SPIDR: variants seen among roughly 807,000 people sequenced by gnomAD.
SPIDR encodes the protein scaffold protein involved in DNA repair.
In SPIDR, 93 loss-of-function variants were observed where a neutral mutation model predicts 104.6. The ratio of observed to expected loss-of-function variants is 0.89; its 90% confidence interval spans 0.75 to 1.06. The LOEUF (loss-of-function observed/expected upper bound fraction) is 1.06. SPIDR is among the 50% of genes least tolerant of loss of function. The pLI is 0.00. For synonymous variants in SPIDR, 431 were observed against 416.9 expected (o/e 1.03, Z -0.41); for missense variants, 1,154 against 1,111.2 (o/e 1.04, Z -0.55).
At chr8:47,305,352 G>T (rs2042928622) in intron 5 of SPIDR, among the ~76,000 whole-genome samples, 1 of 152,150 alleles carries the variant, frequency 6.6e-6, no homozygotes, top group Non-Finnish European at 1.5e-5. Flanking sequence ...CAACAAGCTG[G>T]CTGGCACAGA....
chr8:47,345,282 G>A (rs576403694), intron 5 of SPIDR, among the ~76,000 whole-genome samples: 12 of 152,238 alleles, frequency 7.9e-5, no homozygotes, highest in African/African-American at 2.6e-4. Context: ...TAGATGTGTG[G>A]TATTATTTCT....
intron 8 of SPIDR, among the ~76,000 whole-genome samples, chr8:47,487,084 G>A (rs1456769730): frequency 1.3e-5 from 2 of 152,236 alleles, no homozygotes; most frequent in African/African-American, 4.8e-5. Flanking sequence ...AGATCCATCA[G>A]TGTGCTGTAT....
At chr8:47,451,075 G>T (rs1357603324) in intron 8 of SPIDR, among the ~76,000 whole-genome samples, 1 of 152,142 alleles carries the variant, frequency 6.6e-6, no homozygotes, top group Non-Finnish European at 1.5e-5. Context: ...AGCCATCCTT[G>T]AGGAAATTGA....
chr8:47,708,749 GTATA>G (rs1247108585), intron 14 of SPIDR, among the ~76,000 whole-genome samples: 1 of 152,026 alleles, frequency 6.6e-6, no homozygotes, highest in African/African-American at 2.4e-5. Context: ...TCAGAATATT[GTATA>G]AAGTTGGAAT....
chr8:47,623,758 G>C (rs951132620), intron 10 of SPIDR, among the ~76,000 whole-genome samples: 1 of 152,096 alleles, frequency 6.6e-6, no homozygotes, highest in Non-Finnish European at 1.5e-5. Flanking sequence ...GTGACTTACA[G>C]AGACTTAGAC....
intron 19 of SPIDR, among the ~76,000 whole-genome samples, chr8:47,729,938 C>T (rs529269497): frequency 6.6e-5 from 10 of 152,166 alleles, no homozygotes; most frequent in Non-Finnish European, 1.5e-4. Context: ...AGGCTGGTCT[C>T]GAACTCTTGA....
intron 8 of SPIDR, among the ~76,000 whole-genome samples, chr8:47,544,128 A>G (rs937726952): frequency 6.6e-6 from 1 of 151,454 alleles, no homozygotes; most frequent in Non-Finnish European, 1.5e-5. Context: ...TTAGGGTTTT[A>G]TTTTTATTTT....
Position 47,368,384 on chromosome 8 carries a change from A to G in SPIDR, c.526-27992A>G, listed in dbSNP as rs73676334. ...AAAAAAAAAAAAAAAAAAAAAAAAAAGGATTTTGCTAGGGAGATCCCACTG... is the reference window on the plus strand; with the variant it reads ...AAAAAAAAAAAAAAAAAAAAAAAAAGGGATTTTGCTAGGGAGATCCCACTG... On this transcript the variant is annotated intron_variant, in intron 5 of 19. Coordinates refer to ENST00000297423, the MANE Select transcript of SPIDR (RefSeq NM_001080394.4). Among the ~76,000 whole-genome samples the G allele has an allele frequency of 7.1e-3, 876 of 124,110 alleles. 17 individuals are homozygous for G. Among genetic ancestry groups the G allele is most frequent in the African/African-American group, 0.026 (836 of 32,006 alleles). The allele number at this position is 124,110 out of a possible 152,430, so 81.4% of individuals were successfully genotyped here.
rs2061580147 is a variant in SPIDR, at chr8:47,595,926, A to C, written c.1213A>C (p.Ile405Leu). 3 of 1,614,108 alleles carry C rather than the reference A, an allele frequency of 1.9e-6. No homozygotes were observed. The highest frequency in any genetic ancestry group is 1.7e-6 in the Non-Finnish European group (2 of 1,180,038). ...EKTCEVYCPD[I>L]PLPRRSISLA... ...AACTTGTGAAGTGTACTGTCCGGAC[A>C]TACCCCTTCCAAGAAGAAGCATCTC... Residue 405 changes from isoleucine to leucine, a missense_variant, in exon 9 of 20, where the codon ATA becomes CTA. By Grantham distance (5) the Ile-to-Leu change is conservative. Transcript: ENST00000297423.
intron 8 of SPIDR, among the ~76,000 whole-genome samples, chr8:47,589,117 G>T (rs1419962889): frequency 7.4e-6 from 1 of 134,928 alleles, no homozygotes; most frequent in Non-Finnish European, 1.5e-5. Context: ...CTCCTCTTCT[G>T]TTTTCTAGAA....
intron 8 of SPIDR, among the ~76,000 whole-genome samples, chr8:47,581,711 A>G (rs1030448355): frequency 6.6e-6 from 1 of 152,196 alleles, no homozygotes; most frequent in Non-Finnish European, 1.5e-5. Context: ...TCAGTTCTCA[A>G]TCTATCCCCC....
intron 8 of SPIDR, chr8:47,547,190 C>T (rs2089560455): frequency 4.7e-6 from 3 of 644,964 alleles, no homozygotes; most frequent in Admixed American, 2.0e-5. Context: ...TGAGGGATTC[C>T]TTTTGTGCCC....
At chr8:47,675,590 C>T (rs529003100) in intron 11 of SPIDR, among the ~76,000 whole-genome samples, 1 of 152,212 alleles carries the variant, frequency 6.6e-6, no homozygotes, top group South Asian at 2.1e-4. Flanking sequence ...GCAGGCTGAT[C>T]ACTTGAGGCC....
At chr8:47,460,990 A>G (rs2073841401) in intron 8 of SPIDR, among the ~76,000 whole-genome samples, 1 of 152,184 alleles carries the variant, frequency 6.6e-6, no homozygotes, top group South Asian at 2.1e-4. Flanking sequence ...TAGGGCCCCA[A>G]TCCCTTCTAA....
intron 10 of SPIDR, among the ~76,000 whole-genome samples, chr8:47,655,948 C>T (rs1365128710): frequency 6.6e-6 from 1 of 152,042 alleles, no homozygotes; most frequent in Non-Finnish European, 1.5e-5. Flanking sequence ...ACATGGGTGT[C>T]AGGCAATTCA....
intron 10 of SPIDR, among the ~76,000 whole-genome samples, chr8:47,669,737 C>T (rs1018208078): frequency 6.6e-6 from 1 of 152,166 alleles, no homozygotes; most frequent in African/African-American, 2.4e-5. Flanking sequence ...CACAGTGACT[C>T]ACGCCTGTAA....
At chr8:47,298,114 T>G (rs1554574131) in intron 5 of SPIDR, among the ~76,000 whole-genome samples, 1 of 152,136 alleles carries the variant, frequency 6.6e-6, no homozygotes, top group East Asian at 1.9e-4. Context: ...TCCTCTCCAG[T>G]ACCTGTTGTT....
At chr8:47,619,735 A>G (rs1588459773) in intron 10 of SPIDR, among the ~76,000 whole-genome samples, 1 of 151,776 alleles carries the variant, frequency 6.6e-6, no homozygotes, top group East Asian at 1.9e-4. Flanking sequence ...CCTCTTGAGT[A>G]GCTGGAACCA....
intron 5 of SPIDR, among the ~76,000 whole-genome samples, chr8:47,327,490 C>A (rs1424760404): frequency 6.6e-6 from 1 of 151,572 alleles, no homozygotes; most frequent in African/African-American, 2.4e-5. Flanking sequence ...GCCCCAACTT[C>A]CCCAGGCTCA....
Sources: gnomAD v4.1 joint callset for allele counts (sites outside exome capture counted in the v4.1 genomes callset) on GRCh38, gnomAD v4.1.1 for gene constraint, MANE v1.5 for transcripts, NCBI Gene and HGNC (gene_info 2026-07-23, HGNC 2026-07-21) for gene names.